Variants in ITGB8 observed in about 807,000 individuals in gnomAD.
ITGB8 encodes the protein integrin beta-8.
ITGB8 carries 30 observed loss-of-function variants against 89.5 expected under a neutral mutation model. The observed-to-expected ratio is 0.34, with a 90% CI of 0.25 to 0.45. ITGB8 has a LOEUF of 0.45. ITGB8 is among the 20% of genes least tolerant of loss of function. The probability of loss-of-function intolerance (pLI) is 1.00; values close to 1 mark genes in which losing one functional copy is unlikely to be tolerated. For missense variants in ITGB8, 836 were observed against 933.3 expected (o/e 0.90, Z 1.36); for synonymous variants, 335 against 320.4 (o/e 1.05, Z -0.49).
Position 20,359,189 on chromosome 7 carries a change from A to G in ITGB8, c.128-4448A>G, listed in dbSNP as rs374713607. The stretch of plus-strand genomic sequence containing the variant: ...GGCAGTACATTTTTTTTTTAATAAC[A>G]TGGGCTTTATGAGGCACTGAGAACT... On this transcript the variant is annotated intron_variant, in intron 1 of 13. Coordinates refer to ENST00000222573, the MANE Select transcript of ITGB8 (RefSeq NM_002214.3). Among the ~76,000 whole-genome samples, 39 of 152,208 alleles carry G rather than the reference A, an allele frequency of 2.6e-4. No homozygotes were observed. The East Asian group carries it at 4.2e-3, about 17-fold the overall frequency.
At chr7:20,398,090 G>T (rs935734836) in intron 8 of ITGB8, among the ~76,000 whole-genome samples, 4 of 152,052 alleles carry the variant, frequency 2.6e-5, no homozygotes, top group African/African-American at 9.7e-5. Context: ...AGATTGTAAT[G>T]AAAGAAATTA....
At chr7:20,355,158 C>G (rs1270016264) in intron 1 of ITGB8, among the ~76,000 whole-genome samples, 2 of 152,220 alleles carry the variant, frequency 1.3e-5, no homozygotes, top group African/African-American at 4.8e-5. Context: ...CGCTCCAACC[C>G]CACTCCTCCC....
chr7:20,409,678 T>C lies in ITGB8; in HGVS notation c.2087T>C (p.Ile696Thr). The C allele has an allele frequency of 1.9e-6, 3 of 1,611,222 alleles. No homozygotes were observed. Among genetic ancestry groups the C allele is most frequent in the Non-Finnish European group, 2.5e-6 (3 of 1,178,092 alleles). The part of the protein sequence containing the change: ...FFIIFIVTFL[I>T]GLLKVLIIRQ... ...ATCATTTTCATAGTTACATTCTTGATTGGGTTGCTTAAAGTCCTGATCATT... is the reference window on the plus strand; with the variant it reads ...ATCATTTTCATAGTTACATTCTTGACTGGGTTGCTTAAAGTCCTGATCATT... Residue 696 changes from isoleucine (I) to threonine (T), a missense_variant, in exon 13 of 14, where the codon ATT becomes ACT. Ile to Thr is a moderately conservative substitution (Grantham distance 89). Around this residue, in one of 5 missense-constraint regions of ITGB8, gnomAD observed 422 missense variants for 416.9 expected, o/e 1.01. Coordinates refer to ENST00000222573, the MANE Select transcript of ITGB8 (RefSeq NM_002214.3).
At chr7:20,389,292 T>C (rs972012666) in intron 6 of ITGB8, among the ~76,000 whole-genome samples, 1 of 152,184 alleles carries the variant, frequency 6.6e-6, no homozygotes, top group African/African-American at 2.4e-5. Flanking sequence ...GTATCTGTTG[T>C]TTCCTGACTT....
At chr7:20,379,355 T>G (rs1175692753) in intron 4 of ITGB8, 58 bp downstream of exon 4, 2 of 1,217,360 alleles carry the variant, frequency 1.6e-6, no homozygotes, top group East Asian at 2.7e-5. Flanking sequence ...AAATCTCACT[T>G]TGTTTTTAAT....
Position 20,380,840 on chromosome 7 carries a change from T to A in ITGB8, c.801+9T>A. ...AGGCAGCTGTCTGTGAAGTAAGACG[T>A]TTCACATGATCGAGTGTTTGCTAAG... is the stretch of plus-strand genomic sequence containing the variant. On this transcript the variant is annotated intron_variant, in intron 5 of 13. Transcript: ENST00000222573. The A allele has an allele frequency of 6.3e-7, 1 of 1,599,078 alleles. No individual in the cohort carries two copies. The highest frequency in any genetic ancestry group is 8.5e-7 in the Non-Finnish European group (1 of 1,172,226).
chr7:20,379,728 G>A (rs1020968834), intron 4 of ITGB8: 2 of 152,118 alleles, frequency 1.3e-5, no homozygotes, highest in Admixed American at 1.3e-4. Flanking sequence ...CTCCATTACT[G>A]TACTGTGACT....
rs181664487 is a variant in ITGB8, at chr7:20,404,964, A to C, written c.1913+111A>C. 6.3e-5 allele frequency: 55 copies of C among 867,634 alleles called. 1 individual carries two copies. In the East Asian group the frequency reaches 1.3e-3, roughly 21 times the overall value. 53.7% of individuals were successfully genotyped at this position (867,634 alleles called of 1,614,324 possible). A position where few individuals can be genotyped will look rare whatever the true frequency, so the allele number is the denominator to read the frequency against. On this transcript the variant is annotated intron_variant, in intron 11 of 13. Transcript: ENST00000222573. Reference sequence around the variant, plus strand: ...CAGATACATTGTGACCACCATGCTAAAAAAGAATTAAATGAGAAATGCTAT... The same window carrying C: ...CAGATACATTGTGACCACCATGCTACAAAAGAATTAAATGAGAAATGCTAT...
At chr7:20,358,922 C>T (rs982866894) in intron 1 of ITGB8, among the ~76,000 whole-genome samples, 3 of 152,160 alleles carry the variant, frequency 2.0e-5, no homozygotes, top group African/African-American at 7.2e-5. Flanking sequence ...TCCACATGTA[C>T]CCAATGTTTA....
Position 20,409,733 on chromosome 7 carries a change from T to C in ITGB8, c.2142T>C (p.Asn714=), listed in dbSNP as rs758083976. The part of the protein sequence containing the change: ...IRQVILQWNS[N]KIKSSSDYRV... ...AGGTGATACTACAATGGAATAGTAA[T>C]AAAATTAAGTCCTCATCAGATTACA... The change falls in exon 13 of 14, where the codon AAT becomes AAC. Residue 714 remains asparagine (N), a synonymous_variant. Coordinates refer to ENST00000222573, the MANE Select transcript of ITGB8 (RefSeq NM_002214.3). 7 of 1,612,448 alleles carry C rather than the reference T, an allele frequency of 4.3e-6. No homozygotes were observed. In the Admixed American group the frequency reaches 6.7e-5, roughly 15 times the overall value.
At chr7:20,354,620 G>A (rs996157556) in intron 1 of ITGB8, among the ~76,000 whole-genome samples, 2 of 152,090 alleles carry the variant, frequency 1.3e-5, no homozygotes, top group South Asian at 2.1e-4. Flanking sequence ...GTTTAGCCTC[G>A]GCTTCTATGA....
At chr7:20,333,244 GA>G (rs1205482543) in intron 1 of ITGB8, among the ~76,000 whole-genome samples, 1 of 152,168 alleles carries the variant, frequency 6.6e-6, no homozygotes, top group Non-Finnish European at 1.5e-5. Flanking sequence ...TCAGTTATCT[GA>G]AATGGAGAAA....
At chr7:20,335,862 G>C (rs1280039085) in intron 1 of ITGB8, among the ~76,000 whole-genome samples, 1 of 151,936 alleles carries the variant, frequency 6.6e-6, no homozygotes, top group Non-Finnish European at 1.5e-5. Context: ...CAGTTTTGTT[G>C]GCTTCTTGGA....
In ITGB8 at chr7:20,381,743, G is replaced by A. The variant is rs777853575; in HGVS notation, c.818G>A (p.Arg273Gln). Residue 273 changes from arginine (R) to glutamine (Q), a missense_variant, in exon 6 of 14, where the codon CGA (arginine) becomes CAA (glutamine). Physicochemically the swap from Arg to Gln is conservative, Grantham distance 43. Coordinates refer to ENST00000222573, the MANE Select transcript of ITGB8 (RefSeq NM_002214.3). ...AAVCESHIGW[R>Q]KEAKRLLLVM... is the part of the protein sequence containing the mutation. ...ATTTTTAAGAGTCATATCGGATGGCGAAAAGAGGCTAAAAGATTGCTGCTG... is the reference window on the plus strand; with the variant it reads ...ATTTTTAAGAGTCATATCGGATGGCAAAAAGAGGCTAAAAGATTGCTGCTG... The A allele has an allele frequency of 6.2e-7, 1 of 1,608,738 alleles. No individual in the cohort carries two copies.
intron 1 of ITGB8, among the ~76,000 whole-genome samples, chr7:20,343,280 G>A (rs1784822471): frequency 1.3e-5 from 2 of 152,132 alleles, no homozygotes; most frequent in South Asian, 4.1e-4. Flanking sequence ...AATACTGTGT[G>A]GTTTTTAACA....
chr7:20,367,911 A>G (rs552347655), intron 3 of ITGB8, among the ~76,000 whole-genome samples: 1 of 152,338 alleles, frequency 6.6e-6, no homozygotes, highest in African/African-American at 2.4e-5. Flanking sequence ...AACTACATGT[A>G]GTAAGATAAA....
chr7:20,378,336 T>C (rs909939231), intron 3 of ITGB8, among the ~76,000 whole-genome samples: 8 of 152,316 alleles, frequency 5.3e-5, no homozygotes, highest in East Asian at 1.9e-4. Context: ...CATGTGTTCA[T>C]TGAACACCTA....
At chr7:20,364,482 G>C (rs1785618883) in intron 2 of ITGB8, among the ~76,000 whole-genome samples, 1 of 152,138 alleles carries the variant, frequency 6.6e-6, no homozygotes, top group African/African-American at 2.4e-5. Flanking sequence ...AAGTTATAAG[G>C]TAGCAACAGA....
Position 20,380,686 on chromosome 7 carries a change from T to G in ITGB8, c.656T>G (p.Met219Arg). The G allele has an allele frequency of 6.2e-7, 1 of 1,613,570 alleles. No individual in the cohort carries two copies. The highest frequency in any genetic ancestry group is 8.5e-7 in the Non-Finnish European group (1 of 1,179,588). Residue 219 changes from methionine (M) to arginine (R), a missense_variant, in exon 5 of 14, where the codon ATG becomes AGG. Transcript: ENST00000222573. ...CACAGTGACTACAATTTAGACTGCATGCCTCCCCATGGATACATCCATGTG... is the reference window on the plus strand; with the variant it reads ...CACAGTGACTACAATTTAGACTGCAGGCCTCCCCATGGATACATCCATGTG... ...NQCSDYNLDCMPPHGYIHVLS... is the reference protein window; with the variant it reads ...NQCSDYNLDCRPPHGYIHVLS...
Sources: gnomAD v4.1 joint callset for allele counts (sites outside exome capture counted in the v4.1 genomes callset) on GRCh38, gnomAD v4.1.1 for gene constraint, gnomAD v4.1.1 regional missense constraint, MANE v1.5 for transcripts, NCBI Gene and HGNC (gene_info 2026-07-23, HGNC 2026-07-21) for gene names.